Variants in COL22A1 observed in about 807,000 individuals in gnomAD.
COL22A1 encodes collagen alpha-1(XXII) chain.
In COL22A1, 221 loss-of-function variants were observed where a neutral mutation model predicts 248.9. That is an observed-to-expected ratio of 0.89 (90% CI 0.80 to 0.99). The LOEUF is 0.99. Ranked by LOEUF, COL22A1 falls within the 50% of genes least tolerant of loss-of-function variation. The pLI is 0.00. For synonymous variants in COL22A1, 891 were observed against 793.4 expected (o/e 1.12, Z -2.07); for missense variants, 2,240 against 2,179.0 (o/e 1.03, Z -0.56).
intron 16 of COL22A1, among the ~76,000 whole-genome samples, chr8:138,767,164 A>T (rs1368595302): frequency 1.3e-5 from 2 of 152,216 alleles, no homozygotes; most frequent in South Asian, 4.1e-4. Context: ...CACGTGAGCT[A>T]ATCTACGTGA....
At position 138,878,273 on chromosome 8, in the gene COL22A1, G is replaced by C. The variant is rs549175477; in HGVS notation, c.135C>G (p.Thr45=). Reference sequence around the variant, plus strand: ...AGTCCTCCTTGCCCACGCTGGAGGAGGTGTCCAGGAGGAAGACCAGATCGT... The same window carrying C: ...AGTCCTCCTTGCCCACGCTGGAGGACGTGTCCAGGAGGAAGACCAGATCGT... ...VHYDLVFLLD[T]SSSVGKEDFE... The change falls in exon 3 of 65, where the codon ACC becomes ACG. Residue 45 remains threonine (T), a synonymous_variant. Coordinates refer to ENST00000303045, the MANE Select transcript of COL22A1 (RefSeq NM_152888.3). 11 of 1,580,832 alleles carry C rather than the reference G, an allele frequency of 7.0e-6. No individual in the cohort carries two copies. The highest frequency in any genetic ancestry group is 1.3e-5 in the African/African-American group (1 of 74,366).
chr8:138,912,099 T>C (rs1033878441), intron 1 of COL22A1, among the ~76,000 whole-genome samples: 1 of 152,178 alleles, frequency 6.6e-6, no homozygotes, highest in Non-Finnish European at 1.5e-5. Flanking sequence ...TCTTGTGTTA[T>C]CTATCTCTAT....
chr8:138,668,008 A>C (rs1370163537), intron 41 of COL22A1, among the ~76,000 whole-genome samples: 2 of 152,164 alleles, frequency 1.3e-5, no homozygotes, highest in Non-Finnish European at 2.9e-5. Flanking sequence ...CTAAAAAAAA[A>C]AAAATTTGAA....
chr8:138,738,791 G>A (rs1831324895), intron 22 of COL22A1, among the ~76,000 whole-genome samples: 1 of 152,188 alleles, frequency 6.6e-6, no homozygotes, highest in African/African-American at 2.4e-5. Context: ...GTGTATCTGT[G>A]AGATTGTAAA....
intron 52 of COL22A1, chr8:138,619,993 G>C (rs893918950): frequency 5.8e-6 from 1 of 173,550 alleles, no homozygotes; most frequent in African/African-American, 2.4e-5. Flanking sequence ...CTCTTTCCAG[G>C]TCAGCTGCAG....
intron 41 of COL22A1, among the ~76,000 whole-genome samples, chr8:138,666,658 A>G (rs1824528044): frequency 6.6e-6 from 1 of 152,124 alleles, no homozygotes; most frequent in Non-Finnish European, 1.5e-5. Flanking sequence ...GGGAGGATGG[A>G]TATGTATTCC....
chr8:138,772,138 C>T (rs1341555930), intron 16 of COL22A1, among the ~76,000 whole-genome samples: 1 of 152,182 alleles, frequency 6.6e-6, no homozygotes, highest in East Asian at 1.9e-4. Flanking sequence ...TCCCATTCCA[C>T]ACCTGTGAGG....
At chr8:138,637,819 G>A (rs1465300146) in intron 47 of COL22A1, among the ~76,000 whole-genome samples, 1 of 150,750 alleles carries the variant, frequency 6.6e-6, no homozygotes, top group Admixed American at 6.7e-5. Context: ...GTATCACCAT[G>A]ATGATCATCA....
At chr8:138,902,061 A>C (rs1282787768) in intron 1 of COL22A1, among the ~76,000 whole-genome samples, 1 of 152,096 alleles carries the variant, frequency 6.6e-6, no homozygotes, top group Non-Finnish European at 1.5e-5. Flanking sequence ...AGACGCTGTG[A>C]AGGATGCTGC....
chr8:138,842,429 A>G (rs369819660), intron 4 of COL22A1, among the ~76,000 whole-genome samples: 3 of 152,208 alleles, frequency 2.0e-5, no homozygotes, highest in African/African-American at 7.2e-5. Flanking sequence ...CCAAAGCCAC[A>G]GGTATATAAT....
chr8:138,723,679 T>C (rs76700047), intron 25 of COL22A1, among the ~76,000 whole-genome samples: 7,458 of 152,310 alleles, frequency 0.049, 256 homozygotes, highest in East Asian at 0.13. Flanking sequence ...TTGCCGGTGA[T>C]GGTGCCATTC....
chr8:138,615,766 C>A (rs1007976745), intron 55 of COL22A1, among the ~76,000 whole-genome samples: 8 of 152,050 alleles, frequency 5.3e-5, no homozygotes, highest in Non-Finnish European at 4.4e-5. Context: ...TCATTTGTAC[C>A]AATGGACAAA....
At chr8:138,717,022 G>T (rs983757330) in intron 27 of COL22A1, among the ~76,000 whole-genome samples, 153 bp from the exon 28 acceptor site, 1 of 152,176 alleles carries the variant, frequency 6.6e-6, no homozygotes, top group Non-Finnish European at 1.5e-5. Context: ...AGAGTCATGG[G>T]CTCTGAAGAC....
At chr8:138,829,991 C>T (rs1157609221) in intron 5 of COL22A1, among the ~76,000 whole-genome samples, 1 of 152,022 alleles carries the variant, frequency 6.6e-6, no homozygotes, top group East Asian at 1.9e-4. Flanking sequence ...TATATGTACC[C>T]ATATGTACCT....
At chr8:138,737,394 C>T in intron 23 of COL22A1, 130 bp downstream of exon 23, 1 of 683,016 alleles carries the variant, frequency 1.5e-6, no homozygotes, top group Non-Finnish European at 2.7e-6. Flanking sequence ...GACCCACTGG[C>T]TGTTCTTTTT....
intron 23 of COL22A1, among the ~76,000 whole-genome samples, chr8:138,731,169 C>G (rs891859724): frequency 6.6e-6 from 1 of 151,918 alleles, no homozygotes; most frequent in Non-Finnish European, 1.5e-5. Flanking sequence ...GGTGTGGTGA[C>G]GCATGCCTGT....
intron 5 of COL22A1, among the ~76,000 whole-genome samples, chr8:138,830,917 C>T (rs1819996487): frequency 6.6e-6 from 1 of 152,142 alleles, no homozygotes; most frequent in Non-Finnish European, 1.5e-5. Flanking sequence ...AGCATGGGGC[C>T]AGGTGATTCA....
intron 43 of COL22A1, 144 bp downstream of exon 43, chr8:138,661,886 C>T (rs1002135602): frequency 9.6e-6 from 5 of 520,816 alleles, no homozygotes; most frequent in Non-Finnish European, 1.7e-5. Context: ...AAATAAAAAG[C>T]ATGTCCATGG....
In COL22A1 at chr8:138,755,520, C is replaced by T; in HGVS notation, c.1948-9G>A. ...AAGCCCTCTTGCTGCACCTGAGAGACAAAGCAAGCATTAGCAAAGGTGCTG... is the reference window on the plus strand; with the variant it reads ...AAGCCCTCTTGCTGCACCTGAGAGATAAAGCAAGCATTAGCAAAGGTGCTG... On this transcript the variant is annotated splice_polypyrimidine_tract_variant and intron_variant, in intron 19 of 64. Coordinates refer to ENST00000303045, the MANE Select transcript of COL22A1 (RefSeq NM_152888.3). 6.2e-7 allele frequency: 1 copy of T among 1,614,062 alleles called. No individual in the cohort carries two copies. Among genetic ancestry groups the T allele is most frequent in the Non-Finnish European group, 8.5e-7 (1 of 1,179,928 alleles).
Sources: allele counts gnomAD v4.1 joint callset (sites outside exome capture counted in the v4.1 genomes callset), GRCh38; gene constraint gnomAD v4.1.1; transcripts MANE v1.5; gene names NCBI Gene and HGNC (gene_info 2026-07-23, HGNC 2026-07-21).